CRB1: variants seen among roughly 807,000 people sequenced by gnomAD.
The protein encoded by CRB1 is protein crumbs homolog 1.
In CRB1, 83 loss-of-function variants were observed where a neutral mutation model predicts 120.0. The ratio of observed to expected loss-of-function variants is 0.69; its 90% CI spans 0.58 to 0.83. The LOEUF is 0.83. CRB1 is among the 40% of genes least tolerant of loss of function. The pLI is 0.00. For missense variants in CRB1, 1,699 were observed against 1,687.6 expected, an observed-to-expected ratio of 1.01 and a Z score of -0.12; for synonymous variants, 625 against 612.5, an observed-to-expected ratio of 1.02 and a Z score of -0.30.
At chr1:197,400,664 T>G (rs929636604) in intron 5 of CRB1, among the ~76,000 whole-genome samples, 4 of 152,150 alleles carry the variant, frequency 2.6e-5, no homozygotes, top group African/African-American at 9.7e-5. Context: ...CTCACTTTGA[T>G]GTACAAGGTT....
chr1:197,367,885 G>T (rs1661162486), intron 5 of CRB1, among the ~76,000 whole-genome samples: 1 of 152,152 alleles, frequency 6.6e-6, no homozygotes, highest in Non-Finnish European at 1.5e-5. Flanking sequence ...AAAATATCGG[G>T]TTTCTTAACA....
In CRB1 at chr1:197,452,374, C is replaced by T. The variant is rs11800199; in HGVS notation, c.4005+10082C>T. 7.1e-3 allele frequency among the ~76,000 whole-genome samples: 1,077 copies of T among 152,180 alleles called. 16 individuals carry two copies. Among genetic ancestry groups the T allele is most frequent in the African/African-American group, 0.024 (1,014 of 41,510 alleles). On this transcript the variant is annotated intron_variant, in intron 11 of 11. Transcript: ENST00000367400. The stretch of plus-strand genomic sequence containing the variant: ...GCATTCATCAAAATGTAGTCTTAGT[C>T]TAATGATATTAAAAGTACTTTAAAG...
rs1363120861 is a variant in CRB1 at position 197,421,356 on chromosome 1, A to C, written c.1528A>C (p.Ile510Leu). ...SVTTKGSVCN[I>L]ALRFQTVQPM... Reference sequence around the variant, plus strand: ...GACAACCAAGGGCTCAGTTTGTAACATAGCCCTCAGGTTTCAGACTGTTCA... The same window carrying C: ...GACAACCAAGGGCTCAGTTTGTAACCTAGCCCTCAGGTTTCAGACTGTTCA... The change falls in exon 6 of 12, where the codon ATA becomes CTA. Residue 510 changes from isoleucine (I) to leucine (L), a missense_variant. Transcript: ENST00000367400. 1 of 1,614,108 alleles carries C rather than the reference A, an allele frequency of 6.2e-7. No individual in the cohort carries two copies. Among genetic ancestry groups the C allele is most frequent in the African/African-American group, 1.3e-5 (1 of 74,940 alleles).
intron 5 of CRB1, among the ~76,000 whole-genome samples, chr1:197,399,339 A>G (rs928465633): frequency 1.3e-5 from 2 of 152,146 alleles, no homozygotes; most frequent in Admixed American, 6.5e-5. Context: ...TCTGTGGAAC[A>G]TGAGTGTTTT....
intron 6 of CRB1, among the ~76,000 whole-genome samples, chr1:197,425,463 C>A (rs1401273575): frequency 6.6e-6 from 1 of 152,134 alleles, no homozygotes; most frequent in African/African-American, 2.4e-5. Flanking sequence ...TTCAGCTGGG[C>A]CATATGATGA....
intron 5 of CRB1, among the ~76,000 whole-genome samples, chr1:197,373,541 A>G (rs1379509713): frequency 3.9e-5 from 6 of 152,150 alleles, no homozygotes; most frequent in African/African-American, 1.4e-4. Context: ...CTACCCATCC[A>G]TCTTGATCAT....
chr1:197,268,469 T>C lies in CRB1; in HGVS notation c.57T>C (p.Leu19=). The C allele has an allele frequency of 6.2e-7, 1 of 1,611,912 alleles. No individual in the cohort carries two copies. The highest frequency in any genetic ancestry group is 8.5e-7 in the Non-Finnish European group (1 of 1,177,978). ...LLIFYLSFSL[L]IYIKNSFCNK... ...TCTTCTACCTCAGTTTCTCACTGCT[T>C]ATCTACATAAAAAGTAAGCCTTTCC... Residue 19 remains leucine, a synonymous_variant, in exon 1 of 12, where the codon CTT becomes CTC. Transcript: ENST00000367400.
chr1:197,437,192 T>G (rs1665205230), intron 9 of CRB1, among the ~76,000 whole-genome samples: 1 of 152,116 alleles, frequency 6.6e-6, no homozygotes, highest in Admixed American at 6.6e-5. Context: ...CCTGTAGACA[T>G]TACACTAATT....
intron 8 of CRB1, among the ~76,000 whole-genome samples, chr1:197,434,260 A>G (rs1665013779): frequency 6.6e-6 from 1 of 152,170 alleles, no homozygotes; most frequent in Non-Finnish European, 1.5e-5. Flanking sequence ...CTGGGTCACC[A>G]TAGCTAGATT....
At chr1:197,203,243 A>C in the CRB1 span, among the ~76,000 whole-genome samples, 3 of 152,240 alleles carry the variant, frequency 2.0e-5, no homozygotes, top group African/African-American at 7.2e-5. Context: ...TAAATGGAGC[A>C]AATATCACAC....
At chr1:197,380,831 A>G (rs982454284) in intron 5 of CRB1, among the ~76,000 whole-genome samples, 1 of 152,144 alleles carries the variant, frequency 6.6e-6, no homozygotes, top group Non-Finnish European at 1.5e-5. Flanking sequence ...GTGCATCTCC[A>G]TGCCAAATTA....
chr1:197,318,620 A>G (rs1353838718), intron 1 of CRB1, among the ~76,000 whole-genome samples: 1 of 152,206 alleles, frequency 6.6e-6, no homozygotes, highest in Admixed American at 6.5e-5. Context: ...CAATTTTTAA[A>G]TGGATTTAAA....
At chr1:197,403,831 T>C (rs1216139405) in intron 5 of CRB1, among the ~76,000 whole-genome samples, 5 of 152,146 alleles carry the variant, frequency 3.3e-5, no homozygotes, top group Admixed American at 3.3e-4. Flanking sequence ...CCTTAGCAAG[T>C]GCACAACCAG....
At chr1:197,363,306 G>A (rs1346064933) in intron 5 of CRB1, among the ~76,000 whole-genome samples, 2 of 151,836 alleles carry the variant, frequency 1.3e-5, no homozygotes, top group Non-Finnish European at 2.9e-5. Flanking sequence ...CCCACCTTAG[G>A]CCTCAAGAGT....
chr1:197,380,457 C>T (rs1412460751), intron 5 of CRB1, among the ~76,000 whole-genome samples: 1 of 152,160 alleles, frequency 6.6e-6, no homozygotes, highest in African/African-American at 2.4e-5. Context: ...CTAGATTTAT[C>T]TAGCAGCTAA....
intron 1 of CRB1, among the ~76,000 whole-genome samples, chr1:197,288,574 A>G (rs1655972132): frequency 1.3e-5 from 2 of 151,906 alleles, no homozygotes; most frequent in Non-Finnish European, 2.9e-5. Context: ...AGATAAGGGC[A>G]CCAAAACAGT....
chr1:197,409,232 C>T (rs1246985578), intron 5 of CRB1, among the ~76,000 whole-genome samples: 2 of 152,140 alleles, frequency 1.3e-5, no homozygotes, highest in East Asian at 3.8e-4. Context: ...TGTACACACA[C>T]AATCTTAATA....
intron 4 of CRB1, among the ~76,000 whole-genome samples, chr1:197,352,745 G>A (rs1284253226): frequency 7.3e-5 from 11 of 150,168 alleles, no homozygotes; most frequent in Non-Finnish European, 1.2e-4. Flanking sequence ...TGTTGAGAAA[G>A]GCCCCAAGGG....
At chr1:197,308,088 A>G (rs1476457202) in intron 1 of CRB1, among the ~76,000 whole-genome samples, 2 of 152,158 alleles carry the variant, frequency 1.3e-5, no homozygotes, top group East Asian at 3.8e-4. Context: ...TATATATACC[A>G]TGGAATACTA....
Sources: gnomAD v4.1 joint callset for allele counts (sites outside exome capture counted in the v4.1 genomes callset) on GRCh38, gnomAD v4.1.1 for gene constraint, MANE v1.5 for transcripts, NCBI Gene and HGNC (gene_info 2026-07-23, HGNC 2026-07-21) for gene names.